The following ZBTB34 variants were observed in gnomAD, a reference collection of about 807,000 sequenced individuals.
ZBTB34 encodes the protein zinc finger and BTB domain containing 34.
ZBTB34 carries 1 observed loss-of-function variant against 33.4 expected under a neutral mutation model. That is an observed-to-expected ratio of 0.03 (90% CI 0.01 to 0.14). The LOEUF (loss-of-function observed/expected upper bound fraction) is 0.14, where lower values mean the gene tolerates loss of function less well. Among genes scored for constraint, ZBTB34 ranks in the 10% least tolerant of loss-of-function variants. The pLI is 1.00. For missense variants in ZBTB34, 406 were observed against 657.2 expected (o/e 0.62, Z 4.18); for synonymous variants, 283 against 253.5 (o/e 1.12, Z -1.11).
rs1178520543 is a variant in ZBTB34 at position 126,880,996 on chromosome 9, C to T, written c.*82C>T. On this transcript the variant is annotated 3_prime_UTR_variant, in exon 2 of 2. Transcript: ENST00000319119. The surrounding 1 kb of genome is among the most constrained non-coding windows in gnomAD (Gnocchi z 6.7). Reference sequence around the variant, plus strand: ...GCTTTGTTGTAATCTTTGGTTTTCCCAACCATCTGGAAATCTCTTGGTCTC... The same window carrying T: ...GCTTTGTTGTAATCTTTGGTTTTCCTAACCATCTGGAAATCTCTTGGTCTC... 9 of 1,423,384 alleles carry T rather than the reference C, an allele frequency of 6.3e-6. No individual in the cohort carries two copies. The highest frequency in any genetic ancestry group is 8.5e-6 in the Non-Finnish European group (9 of 1,063,116). 88.2% of individuals were successfully genotyped at this position (1,423,384 alleles called of 1,614,324 possible).
exon 2 of ZBTB34, chr9:126,882,679 A>G (rs1413110553): frequency 6.0e-6 from 1 of 167,110 alleles, no homozygotes; most frequent in Non-Finnish European, 1.5e-5. Context: ...CCTAAAAGAA[A>G]AACGAACGAA....
chr9:126,879,629 T>C lies in ZBTB34; in HGVS notation c.230T>C (p.Val77Ala), dbSNP rs1250388976. Residue 77 changes from valine (V) to alanine (A), a missense_variant, in exon 2 of 2, where the codon GTG becomes GCG. Transcript: ENST00000319119. This position sits in a 1 kb window ranked among gnomAD's most constrained non-coding sequence, Gnocchi z 6.4. ...ACCATGAGTGGCTTGTCAATATCAG[T>C]GATTAAAAATCCCAATGTGTTTGAG... 1 of 1,613,704 alleles carries C rather than the reference T, an allele frequency of 6.2e-7. No individual in the cohort carries two copies. Among genetic ancestry groups the C allele is most frequent in the African/African-American group, 1.3e-5 (1 of 74,944 alleles).
chr9:126,880,794 T>G lies in ZBTB34; in HGVS notation c.1395T>G (p.Ile465Met). Residue 465 changes from isoleucine (I) to methionine (M), a missense_variant, in exon 2 of 2, where the codon ATT (isoleucine) becomes ATG (methionine). By Grantham distance (10) the Ile-to-Met change is conservative. Around this residue, in one of 6 missense-constraint regions of ZBTB34, gnomAD observed 58 missense variants for 58.7 expected, o/e 0.99. Transcript: ENST00000319119. This position sits in a 1 kb window ranked among gnomAD's most constrained non-coding sequence, Gnocchi z 6.7. ...GCGTTGCTGAAGTCAGGAGTCGCAT[T>G]GAGTCCCCCGAGAGAACAGATGTGT... 1.9e-6 allele frequency: 3 copies of G among 1,613,658 alleles called. No homozygotes were observed. The highest frequency in any genetic ancestry group is 2.5e-6 in the Non-Finnish European group (3 of 1,179,854).
rs146838048 is a variant in ZBTB34, at chr9:126,873,468, T to A, written c.-10-5922T>A. 6.3e-3 allele frequency among the ~76,000 whole-genome samples: 952 copies of A among 152,170 alleles called. 38 individuals carry two copies. The East Asian group carries it at 0.1, about 16-fold the overall frequency. On this transcript the variant is annotated intron_variant, in intron 1 of 1. Transcript: ENST00000319119. ...TAGTAGAGACAGGGTTTCACCACGT[T>A]GGCCAGGCTGGTCTCGAACTCCTGA...
chr9:126,873,236 T>G (rs1378423383), intron 1 of ZBTB34, among the ~76,000 whole-genome samples: 1 of 152,190 alleles, frequency 6.6e-6, no homozygotes, highest in Non-Finnish European at 1.5e-5. Context: ...TTTGCCAATT[T>G]GAGAAAGAAG....
At chr9:126,877,546 T>C (rs894850627) in intron 1 of ZBTB34, among the ~76,000 whole-genome samples, 2 of 152,194 alleles carry the variant, frequency 1.3e-5, no homozygotes, top group Admixed American at 6.5e-5. Flanking sequence ...GAGCCGGGGC[T>C]ATATATACTT....
rs1404775615 is a variant in ZBTB34 at position 126,879,423 on chromosome 9, C to T, written c.24C>T (p.Ser8=). 1 of 1,612,504 alleles carries T rather than the reference C, an allele frequency of 6.2e-7. No individual in the cohort carries two copies. Among genetic ancestry groups the T allele is most frequent in the Admixed American group, 1.7e-5 (1 of 59,752 alleles). The change falls in exon 2 of 2, where the codon AGC becomes AGT. Residue 8 remains serine (S), a synonymous_variant. Coordinates refer to ENST00000319119, the Ensembl canonical transcript of ZBTB34. The surrounding 1 kb of genome is among the most constrained non-coding windows in gnomAD (Gnocchi z 6.4). ...TCATGTCAGTAGAAATGGACAGCAG[C>T]AGTTTTATTCAGTTTGATGTGCCCG...
chr9:126,883,609 T>C (rs903567529), exon 2 of ZBTB34: 2 of 167,098 alleles, frequency 1.2e-5, no homozygotes, highest in African/African-American at 4.8e-5. Context: ...ATTGAGTTTC[T>C]CTCTAAGAAT....
chr9:126,870,673 T>A (rs955608411), intron 1 of ZBTB34, among the ~76,000 whole-genome samples: 2 of 152,198 alleles, frequency 1.3e-5, no homozygotes, highest in Non-Finnish European at 2.9e-5. Context: ...ACGCCTGTAA[T>A]CCCAGCACTT....
exon 2 of ZBTB34, chr9:126,883,002 A>G (rs1176248863): frequency 1.2e-5 from 2 of 166,916 alleles, no homozygotes; most frequent in Non-Finnish European, 2.9e-5. Context: ...TCGGGTATAT[A>G]GTATATGCCT....
rs183288325 is a variant in ZBTB34, at chr9:126,872,846, A to C, written c.-10-6544A>C. On this transcript the variant is annotated intron_variant, in intron 1 of 1. Transcript: ENST00000319119. The stretch of plus-strand genomic sequence containing the variant: ...AATGTAAGGGAGAGGAGAGCAAAGC[A>C]CTTCCTTTCTCATATTGCAGAAAAA... 9.8e-5 allele frequency among the ~76,000 whole-genome samples: 15 copies of C among 152,314 alleles called. No individual in the cohort carries two copies. The East Asian group carries it at 2.9e-3, about 29-fold the overall frequency.
At chr9:126,883,191 G>A (rs1383570120) in exon 2 of ZBTB34, 1 of 166,382 alleles carries the variant, frequency 6.0e-6, no homozygotes, top group African/African-American at 2.4e-5. Context: ...GAATAAGTTT[G>A]GTTTTGATTT....
Position 126,879,749 on chromosome 9 carries a change from G to A in ZBTB34, c.350G>A (p.Cys117Tyr). 1 of 1,613,482 alleles carries A rather than the reference G, an allele frequency of 6.2e-7. No individual in the cohort carries two copies. The highest frequency in any genetic ancestry group is 1.3e-5 in the African/African-American group (1 of 75,040). The stretch of plus-strand genomic sequence containing the variant: ...GCAGCCAGCTTTCTTCAGATGCAGT[G>A]TGTCATTGACAAGTGCACGCAGATC... The change falls in exon 2 of 2, where the codon TGT (cysteine) becomes TAT (tyrosine). Residue 117 changes from cysteine (C) to tyrosine (Y), a missense_variant. By Grantham distance (194) the Cys-to-Tyr change is radical. This residue lies in a region of ZBTB34 where 50 missense variants were observed against 157.9 expected (regional missense o/e 0.32). Coordinates refer to ENST00000319119, the Ensembl canonical transcript of ZBTB34. This position sits in a 1 kb window ranked among gnomAD's most constrained non-coding sequence, Gnocchi z 6.4.
At chr9:126,874,599 C>T (rs970671832) in intron 1 of ZBTB34, among the ~76,000 whole-genome samples, 6 of 152,090 alleles carry the variant, frequency 3.9e-5, no homozygotes, top group Non-Finnish European at 8.8e-5. Context: ...TAATTCTCCC[C>T]TTTTTACTTA....
At chr9:126,868,615 G>T (rs937822764) in intron 1 of ZBTB34, among the ~76,000 whole-genome samples, 9 of 152,198 alleles carry the variant, frequency 5.9e-5, no homozygotes, top group African/African-American at 2.2e-4. Flanking sequence ...CATGTCTGCC[G>T]TCCTCTGGTG....
At chr9:126,868,040 G>T (rs1045421406) in intron 1 of ZBTB34, among the ~76,000 whole-genome samples, 4 of 152,160 alleles carry the variant, frequency 2.6e-5, no homozygotes, top group Admixed American at 2.6e-4. Flanking sequence ...AAGAGCAGGG[G>T]CTTGAGTTAC....
chr9:126,869,977 A>G (rs1225920895), intron 1 of ZBTB34, among the ~76,000 whole-genome samples: 1 of 152,252 alleles, frequency 6.6e-6, no homozygotes, highest in Non-Finnish European at 1.5e-5. Flanking sequence ...AAACAAAAAC[A>G]GAATTTTTGT....
At chr9:126,877,318 T>C (rs770633630) in intron 1 of ZBTB34, among the ~76,000 whole-genome samples, 46 of 152,356 alleles carry the variant, frequency 3.0e-4, no homozygotes, top group Non-Finnish European at 5.1e-4. Context: ...TTATCACATA[T>C]CTGTCCATCT....
chr9:126,864,813 T>G (rs1470012368), intron 1 of ZBTB34, among the ~76,000 whole-genome samples: 1 of 152,228 alleles, frequency 6.6e-6, no homozygotes, highest in African/African-American at 2.4e-5. Context: ...GTTATTTTTA[T>G]ATAATTGTTA....
Sources: gnomAD v4.1 joint callset for allele counts (sites outside exome capture counted in the v4.1 genomes callset) on GRCh38, gnomAD v4.1.1 for gene constraint, gnomAD v4.1.1 regional missense constraint, Gnocchi (gnomAD v3.1) non-coding constraint, MANE v1.5 for transcripts, NCBI Gene and HGNC (gene_info 2026-07-23, HGNC 2026-07-21) for gene names.